Variants in CDHR4 observed in about 807,000 individuals in gnomAD.
The protein encoded by CDHR4 is cadherin-related family member 4.
In CDHR4, 89 loss-of-function variants were observed where a neutral mutation model predicts 88.4. That is an observed-to-expected ratio of 1.01 (90% CI 0.85 to 1.20). The LOEUF (loss-of-function observed/expected upper bound fraction) is 1.20, where lower values mean the gene tolerates loss of function less well. Among genes scored for constraint, CDHR4 ranks in the 50% most tolerant of loss-of-function variants. The pLI is 0.00. For synonymous variants in CDHR4, 368 were observed against 399.2 expected (o/e 0.92, Z 0.93); for missense variants, 914 against 1,007.2 (o/e 0.91, Z 1.25).
rs753079732 is a variant in CDHR4 at position 49,795,609 on chromosome 3, AC to A, written c.847+18del. 1.9e-6 allele frequency: 3 copies of A among 1,550,954 alleles called. No individual in the cohort carries two copies. Among genetic ancestry groups the A allele is most frequent in the Non-Finnish European group, 2.6e-6 (3 of 1,146,774 alleles). On this transcript the variant is annotated intron_variant, in intron 7 of 18. Transcript: ENST00000412678. The surrounding 1 kb of genome is among the most constrained non-coding windows in gnomAD (Gnocchi z 5.4). The stretch of plus-strand genomic sequence containing the variant: ...CAGAGGCATCCCAGTACCTGCCCCC[AC>A]CCCCCAACACCTCTCACCACGACCA...
At chr3:49,791,517 A>G (rs2081179716) in intron 17 of CDHR4, 49 bp from the exon 18 acceptor site, 4 of 1,537,248 alleles carry the variant, frequency 2.6e-6, no homozygotes, top group Middle Eastern at 3.4e-4. Flanking sequence ...CCCTGCCCAC[A>G]GGGGAGCAGA....
intron 1 of CDHR4, 25 bp downstream of exon 1, chr3:49,799,739 G>A: frequency 6.2e-7 from 1 of 1,613,040 alleles, no homozygotes. Context: ...GAAAACTACG[G>A]TTCCCCCACC....
upstream of CDHR4, among the ~76,000 whole-genome samples, chr3:49,802,748 C>T (rs1270247592): frequency 6.6e-6 from 1 of 152,244 alleles, no homozygotes; most frequent in East Asian, 1.9e-4. Context: ...GAGGGCAGTC[C>T]CGTCTAGCTC....
rs2081337929 is a variant in CDHR4, at chr3:49,799,867, C to A, written c.-55G>T. On this transcript the variant is annotated 5_prime_UTR_variant, in exon 1 of 19. Coordinates refer to ENST00000412678, the MANE Select transcript of CDHR4 (RefSeq NM_001007540.4). ...GGCTTCAGAAAGCTAGGCTGTTTGT[C>A]TGACTCACCCTGTTGCCAGGTCAGT... 1 of 1,594,982 alleles carries A rather than the reference C, an allele frequency of 6.3e-7. No individual in the cohort carries two copies. The highest frequency in any genetic ancestry group is 8.6e-7 in the Non-Finnish European group (1 of 1,163,696).
At chr3:49,790,967 G>T in intron 18 of CDHR4, 80 bp from the exon 19 acceptor site, 1 of 1,169,206 alleles carries the variant, frequency 8.6e-7, no homozygotes, top group Non-Finnish European at 1.2e-6. Context: ...TTACTTAAGG[G>T]TAGGAGATTA....
chr3:49,793,416 AT>A lies in CDHR4; in HGVS notation c.1624-106del, dbSNP rs775360966. ...ACAGCCGTAGCCTAGGCATCAAGTG[AT>A]GAAGTCATCACACAACAGGCTCCAG... is the stretch of plus-strand genomic sequence containing the variant. On this transcript the variant is annotated intron_variant, in intron 12 of 18. Coordinates refer to ENST00000412678, the MANE Select transcript of CDHR4 (RefSeq NM_001007540.4). The A allele has an allele frequency of 7.2e-5, 105 of 1,465,990 alleles. No homozygotes were observed. The Middle Eastern group carries it at 4.6e-3, about 65-fold the overall frequency. 90.8% of individuals were successfully genotyped at this position (1,465,990 alleles called of 1,614,324 possible). A position where few individuals can be genotyped will look rare whatever the true frequency, so the allele number is the denominator to read the frequency against.
Position 49,791,459 on chromosome 3 carries a change from C to T in CDHR4, c.2293G>A (p.Gly765Ser). Residue 765 changes from glycine (G) to serine (S), a missense_variant, in exon 18 of 19, where the codon GGC becomes AGC. Physicochemically the swap from Gly to Ser is moderately conservative, Grantham distance 56. Coordinates refer to ENST00000412678, the MANE Select transcript of CDHR4 (RefSeq NM_001007540.4). Reference sequence around the variant, plus strand: ...GACTCACGGGAGTCCTGTGCTCTGCCATCAAAATGCTGCTGAGGGAAAAAA... The same window carrying T: ...GACTCACGGGAGTCCTGTGCTCTGCTATCAAAATGCTGCTGAGGGAAAAAA... ...PSSVMSLHFD[G>S]RAQDSRTGRD... 1.3e-6 allele frequency: 2 copies of T among 1,547,032 alleles called. No individual in the cohort carries two copies. The highest frequency in any genetic ancestry group is 2.0e-5 in the Admixed American group (1 of 49,780).
rs2081315436 is a variant in CDHR4, at chr3:49,798,880, A to G, written c.441T>C (p.Pro147=). ...GGAGCAGAGTGTACAGCCGAGCCCC[A>G]GGTGTGACTGTCTCTGGCACCTGAA... ...EMIQVPETVT[P]GARLYTLLLP... is the part of the protein sequence containing the mutation. Residue 147 remains proline (P), a synonymous_variant, in exon 4 of 19, where the codon CCT becomes CCC. Transcript: ENST00000412678. The G allele has an allele frequency of 6.2e-7, 1 of 1,613,866 alleles. No homozygotes were observed. Among genetic ancestry groups the G allele is most frequent in the Non-Finnish European group, 8.5e-7 (1 of 1,179,854 alleles).
intron 4 of CDHR4, among the ~76,000 whole-genome samples, chr3:49,797,281 CTTCT>C (rs1437892651): frequency 1.3e-5 from 2 of 148,424 alleles, no homozygotes; most frequent in South Asian, 2.1e-4. Context: ...CCCTTCCTTC[CTTCT>C]TTCTTTTTTT....
At position 49,790,819 on chromosome 3, in the gene CDHR4, C is replaced by T; in HGVS notation, c.*13G>A. 2 of 1,549,842 alleles carry T rather than the reference C, an allele frequency of 1.3e-6. No individual in the cohort carries two copies. The highest frequency in any genetic ancestry group is 1.2e-5 in the South Asian group (1 of 83,820). On this transcript the variant is annotated 3_prime_UTR_variant, in exon 19 of 19. Transcript: ENST00000412678. ...AAAAGAAATTCCACACATAGTAAGA[C>T]AGCTACTTGGCCTCAGAGCCAGCGC...
At position 49,799,843 on chromosome 3, in the gene CDHR4, G is replaced by C; in HGVS notation, c.-31C>G. The stretch of plus-strand genomic sequence containing the variant: ...CCTGAAGACACAGACAGCAGAGGAG[G>C]CTTCAGAAAGCTAGGCTGTTTGTCT... On this transcript the variant is annotated 5_prime_UTR_variant, in exon 1 of 19. Coordinates refer to ENST00000412678, the MANE Select transcript of CDHR4 (RefSeq NM_001007540.4). 6.2e-7 allele frequency: 1 copy of C among 1,612,656 alleles called. No individual in the cohort carries two copies.
chr3:49,796,184 C>G, intron 5 of CDHR4, 138 bp from the exon 6 acceptor site: 1 of 593,646 alleles, frequency 1.7e-6, no homozygotes, highest in East Asian at 2.9e-5. Flanking sequence ...CCCCATGATC[C>G]CCATGACCTG....
Position 49,793,061 on chromosome 3 carries a change from G to A in CDHR4, c.1788C>T (p.Asn596=). The A allele has an allele frequency of 6.4e-7, 1 of 1,551,388 alleles. No homozygotes were observed. Among genetic ancestry groups the A allele is most frequent in the East Asian group, 2.4e-5 (1 of 40,922 alleles). The stretch of plus-strand genomic sequence containing the variant: ...GGATGGCCCCTTGCAGGATGAATCG[G>A]TTCTGGCTATTCCCTGAAAGCAGAA... ...SYSIVGGNSQ[N]RFILQGAILV... Residue 596 remains asparagine (N), a synonymous_variant, in exon 14 of 19, where the codon AAC becomes AAT. Transcript: ENST00000412678.
At chr3:49,798,714 C>G in intron 4 of CDHR4, 112 bp downstream of exon 4, 1 of 973,804 alleles carries the variant, frequency 1.0e-6, no homozygotes, top group Non-Finnish European at 1.5e-6. Flanking sequence ...CTCATCTATG[C>G]CTCTGCTGCA....
chr3:49,793,364 G>A (rs2081213165), intron 12 of CDHR4, 53 bp from the exon 13 acceptor site: 2 of 1,528,894 alleles, frequency 1.3e-6, no homozygotes, highest in Admixed American at 4.1e-5. Flanking sequence ...CTAAACCTCT[G>A]AGCCAGCCCC....
Position 49,793,993 on chromosome 3 carries a change from T to G in CDHR4, c.1293A>C (p.Val431=). The G allele has an allele frequency of 6.4e-7, 1 of 1,551,544 alleles. No homozygotes were observed. The highest frequency in any genetic ancestry group is 1.4e-5 in the African/African-American group (1 of 73,170). The change falls in exon 11 of 19, where the codon GTA becomes GTC. Residue 431 remains valine (V), a synonymous_variant. Coordinates refer to ENST00000412678, the MANE Select transcript of CDHR4 (RefSeq NM_001007540.4). ...CGTTGATGGGTGTCACCATCACCAGTACCGGCACCTCAGCTGGAAGTCATT... is the reference window on the plus strand; with the variant it reads ...CGTTGATGGGTGTCACCATCACCAGGACCGGCACCTCAGCTGGAAGTCATT... ...GQPQMTTEVP[V]LVMVTPINEF...
At chr3:49,799,926 G>C (rs1247051879), upstream of CDHR4, 2 of 1,049,686 alleles carry the variant, frequency 1.9e-6, no homozygotes, top group Non-Finnish European at 2.8e-6. Flanking sequence ...GGGACTCCTG[G>C]GCCTCCCAGA....
chr3:49,791,397 G>T (rs769891487), intron 18 of CDHR4, 44 bp downstream of exon 18: 1 of 1,526,422 alleles, frequency 6.6e-7, no homozygotes, highest in South Asian at 1.3e-5. Flanking sequence ...CTCAGATGGG[G>T]TGAGGGCCCA....
Position 49,798,866 on chromosome 3 carries a change from T to C in CDHR4, c.455A>G (p.Tyr152Cys), listed in dbSNP as rs767660128. Reference sequence around the variant, plus strand: ...TTCTAGGCCTGGGAGGAGCAGAGTGTACAGCCGAGCCCCAGGTGTGACTGT... The same window carrying C: ...TTCTAGGCCTGGGAGGAGCAGAGTGCACAGCCGAGCCCCAGGTGTGACTGT... ...PETVTPGARL[Y>C]TLLLPGLELH... Residue 152 changes from tyrosine (Y) to cysteine (C), a missense_variant, in exon 4 of 19, where the codon TAC (tyrosine) becomes TGC (cysteine). Physicochemically the swap from Tyr to Cys is radical, Grantham distance 194. Coordinates refer to ENST00000412678, the MANE Select transcript of CDHR4 (RefSeq NM_001007540.4). The C allele has an allele frequency of 1.2e-6, 2 of 1,613,894 alleles. No homozygotes were observed. Among genetic ancestry groups the C allele is most frequent in the East Asian group, 4.5e-5 (2 of 44,872 alleles).
Sources: allele counts gnomAD v4.1 joint callset (sites outside exome capture counted in the v4.1 genomes callset), GRCh38; gene constraint gnomAD v4.1.1; non-coding constraint Gnocchi (gnomAD v3.1); transcripts MANE v1.5; gene names NCBI Gene and HGNC (gene_info 2026-07-23, HGNC 2026-07-21).